Variants in TMEM132C observed in about 807,000 individuals in gnomAD.
TMEM132C encodes protein phosphatase 1, regulatory subunit 152.
TMEM132C carries 29 observed loss-of-function variants against 61.4 expected under a neutral mutation model. The ratio of observed to expected loss-of-function variants is 0.47; its 90% CI spans 0.35 to 0.64. The LOEUF (loss-of-function observed/expected upper bound fraction) is 0.64, where lower values mean the gene tolerates loss of function less well. TMEM132C is among the 30% of genes least tolerant of loss of function. The pLI is 0.00. For missense variants in TMEM132C, 1,408 were observed against 1,476.9 expected, an observed-to-expected ratio of 0.95 and a Z score of 0.76; for synonymous variants, 656 against 633.1, an observed-to-expected ratio of 1.04 and a Z score of -0.54.
chr12:128,644,275 G>T lies in TMEM132C; in HGVS notation c.1306-25142G>T, dbSNP rs569986527. On this transcript the variant is annotated intron_variant, in intron 4 of 8. Transcript: ENST00000435159. ...AGGAAGCTAAACATTTGTCCACATG[G>T]AGATAGGAAGGGAAATGTTATCATG... Among the ~76,000 whole-genome samples, 495 of 152,290 alleles carry T rather than the reference G, an allele frequency of 3.3e-3. 2 individuals are homozygous for T. Among genetic ancestry groups the T allele is most frequent in the African/African-American group, 0.012 (481 of 41,552 alleles).
At chr12:128,495,961 T>C (rs1871939483) in intron 2 of TMEM132C, among the ~76,000 whole-genome samples, 1 of 152,232 alleles carries the variant, frequency 6.6e-6, no homozygotes, top group African/African-American at 2.4e-5. Flanking sequence ...GTTTTTGCAG[T>C]GGCTAGTACC....
chr12:128,653,981 G>T (rs1566004258), intron 4 of TMEM132C, among the ~76,000 whole-genome samples: 1 of 152,196 alleles, frequency 6.6e-6, no homozygotes, highest in African/African-American at 2.4e-5. Context: ...ACTCTGCTGT[G>T]TTGACACCAG....
intron 3 of TMEM132C, among the ~76,000 whole-genome samples, chr12:128,596,840 G>T (rs964230028): frequency 6.6e-6 from 1 of 152,248 alleles, no homozygotes; most frequent in Non-Finnish European, 1.5e-5. Flanking sequence ...AAGACTGTTT[G>T]TTAATATTAA....
chr12:128,541,298 T>C (rs559922633), intron 2 of TMEM132C, among the ~76,000 whole-genome samples: 53 of 152,310 alleles, frequency 3.5e-4, no homozygotes, highest in Non-Finnish European at 5.6e-4. Context: ...CTCCATGGAT[T>C]CAGCTATCAG....
intron 1 of TMEM132C, among the ~76,000 whole-genome samples, chr12:128,333,833 G>C (rs1241547773): frequency 3.3e-5 from 5 of 150,980 alleles, no homozygotes; most frequent in Admixed American, 3.3e-4. Context: ...AGAGTTTGTG[G>C]TGTGTGTATG....
chr12:128,418,489 C>A (rs2136024841), intron 2 of TMEM132C, among the ~76,000 whole-genome samples: 1 of 152,328 alleles, frequency 6.6e-6, no homozygotes, highest in Non-Finnish European at 1.5e-5. Context: ...CTCTCCCCCT[C>A]TGTCCAATTC....
chr12:128,513,223 C>T (rs772301016), intron 2 of TMEM132C, among the ~76,000 whole-genome samples: 7 of 152,000 alleles, frequency 4.6e-5, no homozygotes, highest in African/African-American at 7.2e-5. Context: ...CTGCTTCGGG[C>T]ACATCAAGCA....
chr12:128,416,677 C>T (rs1868790818), intron 2 of TMEM132C, among the ~76,000 whole-genome samples: 3 of 151,830 alleles, frequency 2.0e-5, no homozygotes. Context: ...TTTGTTTTTT[C>T]ATTTACAAAA....
At chr12:128,357,810 G>A (rs1873563565) in intron 1 of TMEM132C, among the ~76,000 whole-genome samples, 1 of 151,874 alleles carries the variant, frequency 6.6e-6, no homozygotes, top group Non-Finnish European at 1.5e-5. Flanking sequence ...CTGTTCTTGG[G>A]ACAGAGAAAT....
intron 1 of TMEM132C, among the ~76,000 whole-genome samples, chr12:128,272,284 A>G (rs1287100722): frequency 2.0e-5 from 3 of 152,100 alleles, no homozygotes; most frequent in Non-Finnish European, 4.4e-5. Context: ...ATCATGCAGT[A>G]TGCAGCTTTT....
intron 1 of TMEM132C, among the ~76,000 whole-genome samples, chr12:128,308,763 C>T (rs1010882703): frequency 2.6e-5 from 4 of 152,140 alleles, no homozygotes. Context: ...GTGCACAAGG[C>T]CGGGGGTTTG....
chr12:128,685,216 G>A (rs1954664578), intron 5 of TMEM132C, among the ~76,000 whole-genome samples: 1 of 152,214 alleles, frequency 6.6e-6, no homozygotes, highest in Non-Finnish European at 1.5e-5. Flanking sequence ...GAAGAGAGGG[G>A]AAGCCATGTA....
chr12:128,400,755 C>T (rs982866976), intron 1 of TMEM132C, among the ~76,000 whole-genome samples: 16 of 151,972 alleles, frequency 1.1e-4, no homozygotes, highest in African/African-American at 1.9e-4. Context: ...CTTACAGGCA[C>T]GCACCACCAT....
chr12:128,285,461 C>T (rs1871024314), intron 1 of TMEM132C, among the ~76,000 whole-genome samples: 1 of 152,104 alleles, frequency 6.6e-6, no homozygotes. Context: ...AGCTTAATGT[C>T]GTTGCCAGGG....
intron 7 of TMEM132C, 88 bp from the exon 8 acceptor site, chr12:128,697,136 G>T: frequency 1.6e-6 from 2 of 1,254,378 alleles, no homozygotes; most frequent in Non-Finnish European, 2.2e-6. Flanking sequence ...CCTCAGGCCT[G>T]TTGGGATGGA....
At chr12:128,378,201 G>A (rs138180046) in intron 1 of TMEM132C, among the ~76,000 whole-genome samples, 8,358 of 150,808 alleles carry the variant, frequency 0.055, 314 homozygotes, top group Non-Finnish European at 0.079. Context: ...TGCAAGCTCC[G>A]CCTCCCCGGT....
At chr12:128,340,033 A>G (rs1216438684) in intron 1 of TMEM132C, among the ~76,000 whole-genome samples, 1 of 152,200 alleles carries the variant, frequency 6.6e-6, no homozygotes, top group Non-Finnish European at 1.5e-5. Flanking sequence ...TTTTGAGTTT[A>G]CAGGGGGCTT....
At chr12:128,655,681 G>T (rs1220595329) in intron 4 of TMEM132C, among the ~76,000 whole-genome samples, 1 of 151,734 alleles carries the variant, frequency 6.6e-6, no homozygotes, top group Non-Finnish European at 1.5e-5. Context: ...GGCTCCACAG[G>T]GGCACCCACC....
At position 128,707,850 on chromosome 12, in the gene TMEM132C, G is replaced by T. The variant is rs1303623644; in HGVS notation, c.*1555G>T. On this transcript the variant is annotated 3_prime_UTR_variant, in exon 9 of 9. Coordinates refer to ENST00000435159, the MANE Select transcript of TMEM132C (RefSeq NM_001136103.3). ...TAGCACATATTATAGATGGAAAGAA[G>T]AAGATATTTATTTATACCTGTGATG... 1.3e-5 allele frequency: 2 copies of T among 152,118 alleles called. No individual in the cohort carries two copies. The highest frequency in any genetic ancestry group is 2.9e-5 in the Non-Finnish European group (2 of 68,038). 9.4% of individuals were successfully genotyped at this position (152,118 alleles called of 1,614,324 possible).
Sources: allele counts gnomAD v4.1 joint callset (sites outside exome capture counted in the v4.1 genomes callset), GRCh38; gene constraint gnomAD v4.1.1; transcripts MANE v1.5; gene names NCBI Gene and HGNC (gene_info 2026-07-23, HGNC 2026-07-21).